Variants in JAKMIP3 observed in about 807,000 individuals in gnomAD.
JAKMIP3 encodes the protein Janus kinase and microtubule interacting protein 3.
JAKMIP3 carries 58 observed loss-of-function variants against 118.5 expected under a neutral mutation model. The ratio of observed to expected loss-of-function variants is 0.49; its 90% CI spans 0.40 to 0.61. The LOEUF (loss-of-function observed/expected upper bound fraction) is 0.61, where lower values mean the gene tolerates loss of function less well. Ranked by LOEUF, JAKMIP3 falls within the 20% of genes least tolerant of loss-of-function variation. The pLI is 0.00. For missense variants in JAKMIP3, 950 were observed against 1,109.0 expected, an observed-to-expected ratio of 0.86 and a Z score of 2.04; for synonymous variants, 486 against 451.2, an observed-to-expected ratio of 1.08 and a Z score of -0.98.
intron 1 of JAKMIP3, among the ~76,000 whole-genome samples, chr10:132,054,776 G>C (rs901384875): frequency 1.3e-5 from 2 of 152,190 alleles, no homozygotes; most frequent in Non-Finnish European, 2.9e-5. Flanking sequence ...TGTTCCCCTG[G>C]GCTCGGGGAC....
chr10:132,150,780 C>T (rs1031342294), intron 16 of JAKMIP3, among the ~76,000 whole-genome samples: 1 of 147,600 alleles, frequency 6.8e-6, no homozygotes, highest in Non-Finnish European at 1.5e-5. Context: ...ATGTATCCGT[C>T]CTCCACAATT....
intron 3 of JAKMIP3, among the ~76,000 whole-genome samples, chr10:132,126,398 G>A (rs1483965591): frequency 3.3e-5 from 5 of 151,934 alleles, no homozygotes; most frequent in African/African-American, 1.2e-4. Flanking sequence ...GACCTCCCAG[G>A]CTCAAGTGAT....
At chr10:132,150,295 G>A (rs1166909696) in intron 16 of JAKMIP3, among the ~76,000 whole-genome samples, 1 of 152,026 alleles carries the variant, frequency 6.6e-6, no homozygotes, top group Non-Finnish European at 1.5e-5. Flanking sequence ...CCAGCTTCTG[G>A]GATCTCTCAG....
chr10:132,180,896 T>C (rs546791371), intron 23 of JAKMIP3, among the ~76,000 whole-genome samples: 57 of 152,146 alleles, frequency 3.7e-4, no homozygotes, highest in African/African-American at 1.4e-3. Flanking sequence ...TATGTGTATG[T>C]GTTGTGCATT....
intron 23 of JAKMIP3, chr10:132,170,132 G>A (rs79485798): frequency 0.02 from 3,082 of 152,328 alleles, 47 homozygotes; most frequent in South Asian, 0.07. Flanking sequence ...CGAGGGCGCC[G>A]CAGGCCCACC....
At chr10:132,041,803 C>T (rs2037761882) in intron 1 of JAKMIP3, among the ~76,000 whole-genome samples, 1 of 152,214 alleles carries the variant, frequency 6.6e-6, no homozygotes, top group Non-Finnish European at 1.5e-5. Context: ...CACCTCAGGC[C>T]TCTTCCATGG....
At chr10:132,089,974 T>C (rs1311566183) in intron 1 of JAKMIP3, among the ~76,000 whole-genome samples, 2 of 152,162 alleles carry the variant, frequency 1.3e-5, no homozygotes, top group African/African-American at 4.8e-5. Context: ...AACCACGTGG[T>C]TTTTGTCTTT....
intron 1 of JAKMIP3, among the ~76,000 whole-genome samples, chr10:132,036,969 C>T (rs1373719207): frequency 6.6e-6 from 1 of 152,060 alleles, no homozygotes; most frequent in East Asian, 1.9e-4. Flanking sequence ...CTGCCCTGCA[C>T]AGGCCTCGGC....
intron 9 of JAKMIP3, among the ~76,000 whole-genome samples, chr10:132,139,049 A>AGTGT (rs4009682): frequency 0.069 from 10,385 of 150,110 alleles, 802 homozygotes; most frequent in African/African-American, 0.19. Flanking sequence ...CTTTATGTTG[A>AGTGT]GTGTGTGTGT....
At chr10:132,132,615 C>T (rs1043289876) in intron 3 of JAKMIP3, among the ~76,000 whole-genome samples, 1 of 152,244 alleles carries the variant, frequency 6.6e-6, no homozygotes, top group Admixed American at 6.5e-5. Context: ...CTGCACACCC[C>T]TGGGCTGCCG....
chr10:132,180,556 T>TGTGCGCGC (rs1419059069), intron 23 of JAKMIP3, among the ~76,000 whole-genome samples: 1 of 4,016 alleles, frequency 2.5e-4, no homozygotes, highest in Admixed American at 2.6e-3. Context: ...CGTGCGTGCA[T>TGTGCGCGC]GCGTGTGTGT....
intron 1 of JAKMIP3, among the ~76,000 whole-genome samples, chr10:132,072,492 A>G (rs1225454345): frequency 6.6e-6 from 1 of 152,142 alleles, no homozygotes; most frequent in Admixed American, 6.5e-5. Context: ...CCATGATCGT[A>G]CCATAGCACT....
intron 9 of JAKMIP3, 106 bp from the exon 10 acceptor site, chr10:132,140,345 A>T: frequency 2.7e-6 from 4 of 1,475,698 alleles, no homozygotes; most frequent in Non-Finnish European, 1.9e-6. Flanking sequence ...AGTGTGTCGC[A>T]GGGTGGGGCT....
chr10:132,095,070 C>T (rs899450169), intron 1 of JAKMIP3, among the ~76,000 whole-genome samples: 3 of 152,204 alleles, frequency 2.0e-5, no homozygotes, highest in Middle Eastern at 3.2e-3. Context: ...TGGTCTCACT[C>T]CCACTGTGTC....
intron 9 of JAKMIP3, among the ~76,000 whole-genome samples, chr10:132,139,343 T>C (rs892205766): frequency 2.0e-5 from 3 of 151,672 alleles, no homozygotes; most frequent in Non-Finnish European, 2.9e-5. Context: ...TGTATGTGTG[T>C]ACATGTGAGT....
At chr10:132,177,619 C>T (rs2060278328) in intron 23 of JAKMIP3, among the ~76,000 whole-genome samples, 2 of 132,778 alleles carry the variant, frequency 1.5e-5, no homozygotes, top group East Asian at 2.4e-4. Context: ...TGCATTTGGC[C>T]ATGGTGTGTA....
chr10:132,095,496 T>G (rs1215735609), intron 1 of JAKMIP3, among the ~76,000 whole-genome samples: 1 of 151,978 alleles, frequency 6.6e-6, no homozygotes, highest in African/African-American at 2.4e-5. Flanking sequence ...GCAGTGGGGG[T>G]GTGTGTTTGG....
At chr10:132,165,869 C>T (rs2130895) in intron 21 of JAKMIP3, among the ~76,000 whole-genome samples, 62,239 of 152,154 alleles carry the variant, frequency 0.41, 14,737 homozygotes, top group Admixed American at 0.54. Context: ...CTCCAGGCCA[C>T]GTGGGGAAGC....
intron 1 of JAKMIP3, among the ~76,000 whole-genome samples, chr10:132,092,895 G>A (rs1457899089): frequency 6.6e-6 from 1 of 152,096 alleles, no homozygotes; most frequent in Non-Finnish European, 1.5e-5. Context: ...CCATCTTTGT[G>A]GTTTTATCTA....
Sources: gnomAD v4.1 joint callset for allele counts (sites outside exome capture counted in the v4.1 genomes callset) on GRCh38, gnomAD v4.1.1 for gene constraint, MANE v1.5 for transcripts, NCBI Gene and HGNC (gene_info 2026-07-23, HGNC 2026-07-21) for gene names.